Variants in NDUFAF2 observed in about 807,000 individuals in gnomAD.
NDUFAF2 encodes NADH dehydrogenase [ubiquinone] 1 alpha subcomplex assembly factor 2.
NDUFAF2 carries 13 observed loss-of-function variants against 22.8 expected under a neutral mutation model. The ratio of observed to expected loss-of-function variants is 0.57; its 90% CI spans 0.37 to 0.91. The LOEUF (loss-of-function observed/expected upper bound fraction) is 0.91. NDUFAF2 is among the 40% of genes least tolerant of loss of function. The pLI is 0.01. For synonymous variants in NDUFAF2, 53 were observed against 64.2 expected (o/e 0.83, Z 0.84); for missense variants, 162 against 195.2 (o/e 0.83, Z 1.01).
chr5:61,114,810 C>A (rs1266621114), intron 3 of NDUFAF2: 1 of 152,130 alleles, frequency 6.6e-6, no homozygotes, highest in Admixed American at 6.6e-5. Flanking sequence ...GAAGTATTGT[C>A]TTGGTGGTCT....
chr5:61,022,942 G>T (rs1580099439), intron 1 of NDUFAF2, among the ~76,000 whole-genome samples: 1 of 152,212 alleles, frequency 6.6e-6, no homozygotes, highest in Admixed American at 6.5e-5. Context: ...ACCATGCCCG[G>T]CCTGCCTTTA....
intron 1 of NDUFAF2, among the ~76,000 whole-genome samples, chr5:61,039,581 C>G (rs1751845968): frequency 6.6e-6 from 1 of 152,140 alleles, no homozygotes; most frequent in Non-Finnish European, 1.5e-5. Flanking sequence ...ATAATGTATA[C>G]TTAACTTCTG....
intron 1 of NDUFAF2, among the ~76,000 whole-genome samples, chr5:60,984,053 G>A (rs1751031468): frequency 6.6e-6 from 1 of 152,068 alleles, no homozygotes; most frequent in African/African-American, 2.4e-5. Context: ...TCTTCCATTT[G>A]TTTGTATCCT....
At chr5:61,053,671 AG>A (rs1752051247) in intron 1 of NDUFAF2, among the ~76,000 whole-genome samples, 1 of 152,306 alleles carries the variant, frequency 6.6e-6, no homozygotes, top group Admixed American at 6.5e-5. Context: ...TCTAAGTAGA[AG>A]GGTGATAGTC....
At chr5:60,986,213 A>G (rs1751073551) in intron 1 of NDUFAF2, among the ~76,000 whole-genome samples, 1 of 152,242 alleles carries the variant, frequency 6.6e-6, no homozygotes, top group African/African-American at 2.4e-5. Flanking sequence ...TTGTAGCACT[A>G]TTCACAATAG....
intron 3 of NDUFAF2, among the ~76,000 whole-genome samples, chr5:61,132,787 G>A (rs953465550): frequency 5.7e-4 from 87 of 152,074 alleles, no homozygotes; most frequent in African/African-American, 2.0e-3. Flanking sequence ...TATTCACATT[G>A]CCTGAAGTGG....
chr5:61,102,608 G>A (rs1328547706), intron 3 of NDUFAF2, among the ~76,000 whole-genome samples: 1 of 152,052 alleles, frequency 6.6e-6, no homozygotes, highest in Non-Finnish European at 1.5e-5. Context: ...TTTTGAGGTA[G>A]ACAGGAGACA....
At chr5:60,987,215 A>T (rs1751094016) in intron 1 of NDUFAF2, among the ~76,000 whole-genome samples, 1 of 152,168 alleles carries the variant, frequency 6.6e-6, no homozygotes, top group African/African-American at 2.4e-5. Flanking sequence ...CATTCTCCCA[A>T]GACTGAGCCA....
chr5:61,002,604 T>C (rs912544015), intron 1 of NDUFAF2, among the ~76,000 whole-genome samples: 6 of 152,208 alleles, frequency 3.9e-5, no homozygotes, highest in Non-Finnish European at 8.8e-5. Context: ...TTCAGAAATG[T>C]CTGTTCTCTC....
intron 2 of NDUFAF2, among the ~76,000 whole-genome samples, chr5:61,085,299 T>G (rs1752492765): frequency 1.3e-5 from 2 of 152,130 alleles, no homozygotes; most frequent in Admixed American, 6.6e-5. Flanking sequence ...AAATCATGAG[T>G]TAATTCCAGT....
intron 3 of NDUFAF2, among the ~76,000 whole-genome samples, chr5:61,151,261 C>T (rs1194683859): frequency 6.6e-6 from 1 of 151,944 alleles, no homozygotes; most frequent in Non-Finnish European, 1.5e-5. Context: ...TGATATCATA[C>T]ATTTAGATAT....
chr5:60,989,149 C>G (rs887865517), intron 1 of NDUFAF2, among the ~76,000 whole-genome samples: 1 of 152,100 alleles, frequency 6.6e-6, no homozygotes, highest in Non-Finnish European at 1.5e-5. Context: ...AGCCAACAAG[C>G]ATATGAAAAA....
chr5:61,124,550 T>C (rs1238859684), intron 3 of NDUFAF2, among the ~76,000 whole-genome samples: 1 of 152,120 alleles, frequency 6.6e-6, no homozygotes, highest in East Asian at 1.9e-4. Flanking sequence ...CTAGACTGTC[T>C]AGTCCTGTGT....
intron 3 of NDUFAF2, among the ~76,000 whole-genome samples, chr5:61,118,817 T>A (rs554787107): frequency 1.1e-4 from 16 of 152,208 alleles, no homozygotes; most frequent in Admixed American, 3.9e-4. Context: ...ATAGAGATAT[T>A]GTAAAAGTAT....
intron 1 of NDUFAF2, among the ~76,000 whole-genome samples, chr5:61,033,644 A>G (rs184083650): frequency 6.6e-6 from 1 of 152,214 alleles, no homozygotes; most frequent in Non-Finnish European, 1.5e-5. Flanking sequence ...TTTTTCAGCA[A>G]AAATTCATGT....
intron 1 of NDUFAF2, among the ~76,000 whole-genome samples, chr5:60,971,264 G>A (rs547655826): frequency 1.7e-4 from 25 of 149,820 alleles, no homozygotes; most frequent in African/African-American, 5.6e-4. Flanking sequence ...ATTTACATTA[G>A]ATATATCTTT....
intron 1 of NDUFAF2, among the ~76,000 whole-genome samples, chr5:60,959,725 A>G (rs1272484970): frequency 6.6e-6 from 1 of 152,110 alleles, no homozygotes; most frequent in Non-Finnish European, 1.5e-5. Flanking sequence ...ATAAAATAGT[A>G]ATTTAAAAGT....
At chr5:61,143,613 C>T (rs201993380) in intron 3 of NDUFAF2, among the ~76,000 whole-genome samples, 114 of 151,892 alleles carry the variant, frequency 7.5e-4, no homozygotes, top group East Asian at 4.1e-3. Context: ...TTTATAAATC[C>T]GGTTTCTCAT....
chr5:61,090,264 G>GT (rs574482461), intron 2 of NDUFAF2, among the ~76,000 whole-genome samples: 64 of 152,044 alleles, frequency 4.2e-4, no homozygotes, highest in African/African-American at 1.5e-3. Context: ...AATATTTTAG[G>GT]TTTTTTATGG....
Sources: allele counts gnomAD v4.1 joint callset (sites outside exome capture counted in the v4.1 genomes callset), GRCh38; gene constraint gnomAD v4.1.1; transcripts MANE v1.5; gene names NCBI Gene and HGNC (gene_info 2026-07-23, HGNC 2026-07-21).